The following ABI2 variants were observed in gnomAD, a reference collection of about 807,000 sequenced individuals.
ABI2 encodes abl interactor 2.
Under a neutral mutation model 59.2 loss-of-function variants are expected in ABI2, and 25 were observed. The observed-to-expected ratio is 0.42, with a 90% CI of 0.31 to 0.59. The LOEUF (loss-of-function observed/expected upper bound fraction) is 0.59. Ranked by LOEUF, ABI2 falls within the 20% of genes least tolerant of loss-of-function variation. The pLI is 0.14. For missense variants in ABI2, 545 were observed against 681.8 expected, an observed-to-expected ratio of 0.80 and a Z score of 2.23; for synonymous variants, 213 against 235.5, an observed-to-expected ratio of 0.90 and a Z score of 0.87.
intron 7 of ABI2, among the ~76,000 whole-genome samples, 191 bp from the exon 8 acceptor site, chr2:203,396,594 C>A (rs940986964): frequency 2.0e-5 from 3 of 152,090 alleles, no homozygotes; most frequent in Non-Finnish European, 4.4e-5. Flanking sequence ...TGCACATTAC[C>A]CTGAGCATCT....
chr2:203,338,701 T>A (rs1020157656), intron 1 of ABI2, among the ~76,000 whole-genome samples: 1 of 151,372 alleles, frequency 6.6e-6, no homozygotes, highest in African/African-American at 2.4e-5. Flanking sequence ...GAAGAAAACA[T>A]AGGGGAAAAA....
chr2:203,376,017 T>A, intron 2 of ABI2: 3 of 1,379,630 alleles, frequency 2.2e-6, no homozygotes, highest in Non-Finnish European at 3.0e-6. Flanking sequence ...TTATTATAGA[T>A]GTTTTTTAAA....
At chr2:203,390,272 A>G (rs2096690681) in intron 4 of ABI2, among the ~76,000 whole-genome samples, 1 of 152,350 alleles carries the variant, frequency 6.6e-6, no homozygotes, top group South Asian at 2.1e-4. Flanking sequence ...GTTACAGTGG[A>G]TCATATGCAT....
intron 1 of ABI2, chr2:203,351,677 A>T: frequency 2.6e-6 from 1 of 380,736 alleles, no homozygotes; most frequent in Non-Finnish European, 5.1e-6. Flanking sequence ...CTGGGACTAC[A>T]GGTGCGTGCT....
At chr2:203,338,573 C>T (rs569318729) in intron 1 of ABI2, among the ~76,000 whole-genome samples, 1 of 152,120 alleles carries the variant, frequency 6.6e-6, no homozygotes, top group African/African-American at 2.4e-5. Context: ...TACGTGCCAG[C>T]ACTGTGCTTT....
At chr2:203,412,170 G>A (rs2097704335) in intron 10 of ABI2, among the ~76,000 whole-genome samples, 1 of 152,208 alleles carries the variant, frequency 6.6e-6, no homozygotes, top group Non-Finnish European at 1.5e-5. Context: ...CACTGGTGGG[G>A]TAGAAATATT....
rs758608781 is a variant in ABI2 at position 203,427,390 on chromosome 2, AG to A, written c.*40del. 5.2e-4 allele frequency: 804 copies of A among 1,558,634 alleles called. 2 individuals carry two copies. The highest frequency in any genetic ancestry group is 6.5e-4 in the Non-Finnish European group (737 of 1,141,890). On this transcript the variant is annotated 3_prime_UTR_variant, in exon 12 of 12. Transcript: ENST00000261018. Reference sequence around the variant, plus strand: ...CTGTGCTTGCCTCACAGGAATAGTCAGGTCTTCCCAGATTATCTGAAGGCCC... The same window carrying A: ...CTGTGCTTGCCTCACAGGAATAGTCAGTCTTCCCAGATTATCTGAAGGCCC...
chr2:203,392,500 T>G (rs3769674), intron 5 of ABI2, among the ~76,000 whole-genome samples: 2,602 of 152,284 alleles, frequency 0.017, 77 homozygotes, highest in East Asian at 0.092. Context: ...AGGAATAGGA[T>G]GACTTTATTA....
At chr2:203,382,274 AGAG>A in intron 4 of ABI2, 68 bp downstream of exon 4, 2 of 1,310,614 alleles carry the variant, frequency 1.5e-6, no homozygotes, top group Non-Finnish European at 2.1e-6. Context: ...GGGGAGTTAA[AGAG>A]ATTGTTAACT....
rs565011182 is a variant in ABI2 at position 203,404,541 on chromosome 2, C to T, written c.1192+1807C>T. On this transcript the variant is annotated intron_variant, in intron 9 of 11. Transcript: ENST00000261018. Reference sequence around the variant, plus strand: ...GGAGCACGGGATTACAGGTACCTGCCACCACGCCTGGCTAATTTTTGTTTT... The same window carrying T: ...GGAGCACGGGATTACAGGTACCTGCTACCACGCCTGGCTAATTTTTGTTTT... Among the ~76,000 whole-genome samples, 3 of 152,250 alleles carry T rather than the reference C, an allele frequency of 2.0e-5. No homozygotes were observed. The East Asian group carries it at 5.8e-4, about 29-fold the overall frequency.
intron 1 of ABI2, among the ~76,000 whole-genome samples, chr2:203,338,994 A>G (rs1398541453): frequency 5.4e-5 from 5 of 92,910 alleles, no homozygotes; most frequent in African/African-American, 9.8e-5. Flanking sequence ...ATATATATAT[A>G]TATATATATA....
At chr2:203,410,217 G>A (rs1229725935) in intron 9 of ABI2, among the ~76,000 whole-genome samples, 2 of 152,056 alleles carry the variant, frequency 1.3e-5, no homozygotes, top group South Asian at 2.1e-4. Flanking sequence ...AAATATTGTT[G>A]GGTTAAGATT....
chr2:203,342,458 A>G (rs1575946095), intron 1 of ABI2, among the ~76,000 whole-genome samples: 1 of 152,192 alleles, frequency 6.6e-6, no homozygotes, highest in Non-Finnish European at 1.5e-5. Context: ...AGGGGAAGCC[A>G]ACAAGGGATG....
At chr2:203,418,446 C>T (rs780878420) in intron 11 of ABI2, among the ~76,000 whole-genome samples, 111 of 152,234 alleles carry the variant, frequency 7.3e-4, no homozygotes, top group Admixed American at 2.0e-3. Flanking sequence ...CAGGCTCACT[C>T]GTGGTTATTG....
chr2:203,391,217 T>A, intron 5 of ABI2, 74 bp downstream of exon 5: 1 of 1,048,522 alleles, frequency 9.5e-7, no homozygotes, highest in Non-Finnish European at 1.3e-6. Context: ...ATATTTAAAT[T>A]ATTTTTTGAA....
chr2:203,394,985 T>A, intron 6 of ABI2, 139 bp downstream of exon 6: 1 of 941,150 alleles, frequency 1.1e-6, no homozygotes, highest in Non-Finnish European at 1.7e-6. Flanking sequence ...TGATTTCACC[T>A]CTCTCTCCTC....
intron 1 of ABI2, among the ~76,000 whole-genome samples, chr2:203,360,348 T>C (rs2093310539): frequency 6.6e-6 from 1 of 152,150 alleles, no homozygotes; most frequent in Admixed American, 6.5e-5. Flanking sequence ...AGGTTCTTAT[T>C]GGTAAGAGGA....
At position 203,416,985 on chromosome 2, in the gene ABI2, G is replaced by A. The variant is rs759047716; in HGVS notation, c.1357G>A (p.Glu453Lys). The change falls in exon 11 of 12, where the codon GAA becomes AAA. Residue 453 changes from glutamate to lysine, a missense_variant. By Grantham distance (56) the Glu-to-Lys change is moderately conservative (BLOSUM62 1). Transcript: ENST00000261018. ...GTCTCCCCCACCTCCTCCTCCTCCA[G>A]AAGATTACGAAGAGGAGGAAGCTGC... ...DESPPPPPPP[E>K]DYEEEEAAVV... 4 of 1,614,008 alleles carry A rather than the reference G, an allele frequency of 2.5e-6. No individual in the cohort carries two copies. The highest frequency in any genetic ancestry group is 1.3e-5 in the African/African-American group (1 of 74,924).
Position 203,428,567 on chromosome 2 carries a change from T to A in ABI2, c.*1215T>A, listed in dbSNP as rs1213304891. The A allele has an allele frequency of 6.6e-6, 1 of 152,604 alleles. No individual in the cohort carries two copies. The highest frequency in any genetic ancestry group is 2.4e-5 in the African/African-American group (1 of 41,444). 9.5% of individuals were successfully genotyped at this position (152,604 alleles called of 1,614,324 possible). A position where few individuals can be genotyped will look rare whatever the true frequency, so the allele number is the denominator to read the frequency against. ...TGAATAAGATTAATAGGCCAAAATA[T>A]GTATCTAATCACATTGATAAAAATT... is the stretch of plus-strand genomic sequence containing the variant. On this transcript the variant is annotated 3_prime_UTR_variant, in exon 12 of 12. Coordinates refer to ENST00000261018, the MANE Select transcript of ABI2 (RefSeq NM_001375670.1).
Sources: allele counts gnomAD v4.1 joint callset (sites outside exome capture counted in the v4.1 genomes callset), GRCh38; gene constraint gnomAD v4.1.1; transcripts MANE v1.5; gene names NCBI Gene and HGNC (gene_info 2026-07-23, HGNC 2026-07-21).